The following JPH1 variants were observed in gnomAD, a reference collection of about 807,000 sequenced individuals.
JPH1 encodes junctophilin 1.
Under a neutral mutation model 53.6 loss-of-function variants are expected in JPH1, and 12 were observed. That is an observed-to-expected ratio of 0.22 (90% CI 0.14 to 0.36). The LOEUF (loss-of-function observed/expected upper bound fraction) is 0.36, where lower values mean the gene tolerates loss of function less well. Among genes scored for constraint, JPH1 ranks in the 10% least tolerant of loss-of-function variants. The pLI, the probability that JPH1 is intolerant of heterozygous loss-of-function variation, is 1.00. For missense variants in JPH1, 808 were observed against 905.5 expected (o/e 0.89, Z 1.38); for synonymous variants, 375 against 363.8 (o/e 1.03, Z -0.35).
intron 3 of JPH1, among the ~76,000 whole-genome samples, chr8:74,253,231 A>G (rs1806120065): frequency 6.6e-6 from 1 of 152,182 alleles, no homozygotes; most frequent in Non-Finnish European, 1.5e-5. Context: ...ACTCAGGATT[A>G]AGAAACTCAC....
intron 2 of JPH1, among the ~76,000 whole-genome samples, chr8:74,272,209 G>T (rs1203171038): frequency 6.6e-6 from 1 of 152,056 alleles, no homozygotes; most frequent in East Asian, 1.9e-4. Flanking sequence ...TGATCAACTA[G>T]ATTTTCTACC....
intron 3 of JPH1, among the ~76,000 whole-genome samples, chr8:74,251,035 G>A (rs1806035056): frequency 6.6e-6 from 1 of 152,198 alleles, no homozygotes; most frequent in African/African-American, 2.4e-5. Context: ...AATCAAATAC[G>A]TAATGGCATC....
intron 3 of JPH1, among the ~76,000 whole-genome samples, chr8:74,258,861 T>A (rs1005778919): frequency 1.3e-5 from 2 of 152,168 alleles, no homozygotes; most frequent in African/African-American, 4.8e-5. Flanking sequence ...GAATAACCCA[T>A]CTCCAGGGCT....
At position 74,235,720 on chromosome 8, in the gene JPH1, CA is replaced by C. The variant is rs1461935156; in HGVS notation, c.*1330del. ...GGTAAATTATAAAACAGCAAAAATC[CA>C]GAAATGTCAGAATGACAAAAGACTG... is the stretch of plus-strand genomic sequence containing the variant. On this transcript the variant is annotated 3_prime_UTR_variant, in exon 6 of 6. Coordinates refer to ENST00000342232, the MANE Select transcript of JPH1 (RefSeq NM_020647.4). 2 of 152,390 alleles carry C rather than the reference CA, an allele frequency of 1.3e-5. No individual in the cohort carries two copies. Among genetic ancestry groups the C allele is most frequent in the Non-Finnish European group, 2.9e-5 (2 of 68,010 alleles). 9.4% of individuals were successfully genotyped at this position (152,390 alleles called of 1,614,324 possible).
chr8:74,242,287 C>T (rs1393016775), intron 4 of JPH1, among the ~76,000 whole-genome samples: 6 of 152,116 alleles, frequency 3.9e-5, no homozygotes, highest in Non-Finnish European at 8.8e-5. Context: ...ATCATAATAG[C>T]CAAGGTTTTT....
intron 2 of JPH1, among the ~76,000 whole-genome samples, chr8:74,311,699 T>A (rs973360681): frequency 9.2e-6 from 1 of 108,310 alleles, no homozygotes; most frequent in African/African-American, 3.6e-5. Context: ...GTCCCCAGAG[T>A]GTGATGTTCC....
At chr8:74,245,221 A>G (rs1805824376) in intron 3 of JPH1, 46 bp from the exon 4 acceptor site, 1 of 1,488,474 alleles carries the variant, frequency 6.7e-7, no homozygotes. Context: ...GGAGGTATAT[A>G]TACATATATT....
At position 74,250,157 on chromosome 8, in the gene JPH1, C is replaced by T. The variant is rs191670498; in HGVS notation, c.1259-4982G>A. 5.1e-3 allele frequency among the ~76,000 whole-genome samples: 736 copies of T among 145,162 alleles called. 2 individuals are homozygous for T. Among genetic ancestry groups the T allele is most frequent in the Non-Finnish European group, 8.0e-3 (537 of 66,740 alleles). Reference sequence around the variant, plus strand: ...AAGGATTTTTTTTTTTTTTTTGAGACGGAGTCTTGCTCTGTCACCCAGGCT... The same window carrying T: ...AAGGATTTTTTTTTTTTTTTTGAGATGGAGTCTTGCTCTGTCACCCAGGCT... On this transcript the variant is annotated intron_variant, in intron 3 of 5. Coordinates refer to ENST00000342232, the MANE Select transcript of JPH1 (RefSeq NM_020647.4).
chr8:74,305,943 T>C (rs1469361881), intron 2 of JPH1, among the ~76,000 whole-genome samples: 3 of 152,206 alleles, frequency 2.0e-5, no homozygotes, highest in Non-Finnish European at 2.9e-5. Context: ...CACATGTCCA[T>C]CTCAATGCCT....
intron 2 of JPH1, among the ~76,000 whole-genome samples, chr8:74,270,284 T>C (rs1178254713): frequency 1.3e-5 from 2 of 152,226 alleles, no homozygotes; most frequent in African/African-American, 2.4e-5. Flanking sequence ...AAATTAGTAA[T>C]TAACGCCTCC....
chr8:74,291,170 A>G (rs1316370063), intron 2 of JPH1, among the ~76,000 whole-genome samples: 2 of 152,172 alleles, frequency 1.3e-5, no homozygotes, highest in Non-Finnish European at 2.9e-5. Context: ...ACAGCAAAAG[A>G]AACTACCATC....
At chr8:74,265,882 A>G (rs1276684216) in intron 2 of JPH1, among the ~76,000 whole-genome samples, 1 of 152,138 alleles carries the variant, frequency 6.6e-6, no homozygotes, top group African/African-American at 2.4e-5. Flanking sequence ...ATCATTAAGC[A>G]TAAAGTAATG....
intron 2 of JPH1, among the ~76,000 whole-genome samples, chr8:74,293,296 T>C (rs1270878238): frequency 6.6e-6 from 1 of 152,136 alleles, no homozygotes; most frequent in East Asian, 1.9e-4. Context: ...GGAAAACAAA[T>C]TCACCAAAAA....
Position 74,315,314 on chromosome 8 carries a change from T to C in JPH1, c.686A>G (p.Lys229Arg). Reference sequence around the variant, plus strand: ...GCTGCGCTTGCTCGAGATGGAAGACTTGGATTCGGACTTGCGAAGTTTCAT... The same window carrying C: ...GCTGCGCTTGCTCGAGATGGAAGACCTGGATTCGGACTTGCGAAGTTTCAT... Reference protein sequence around the residue: ...GSMKLRKSESKSSISSKRSSV... With the variant: ...GSMKLRKSESRSSISSKRSSV... The change falls in exon 2 of 6, where the codon AAG (lysine) becomes AGG (arginine). Residue 229 changes from lysine to arginine, a missense_variant. By Grantham distance (26) the Lys-to-Arg change is conservative. Transcript: ENST00000342232. The surrounding 1 kb of genome is among the most constrained non-coding windows in gnomAD (Gnocchi z 6.3). 10 of 1,613,914 alleles carry C rather than the reference T, an allele frequency of 6.2e-6. No individual in the cohort carries two copies. Among genetic ancestry groups the C allele is most frequent in the Non-Finnish European group, 8.5e-6 (10 of 1,180,030 alleles).
At chr8:74,260,108 G>A (rs537387512) in intron 2 of JPH1, among the ~76,000 whole-genome samples, 26 of 152,310 alleles carry the variant, frequency 1.7e-4, no homozygotes, top group African/African-American at 6.0e-4. Context: ...ACCAGCAGGA[G>A]CAAACCACAA....
intron 2 of JPH1, among the ~76,000 whole-genome samples, chr8:74,288,539 T>C (rs571772979): frequency 6.6e-6 from 1 of 150,862 alleles, no homozygotes; most frequent in East Asian, 2.0e-4. Context: ...AGTAAGAAAA[T>C]GGGGTTGGGC....
chr8:74,237,203 C>G lies in JPH1; in HGVS notation c.*15+5G>C. The G allele has an allele frequency of 6.5e-7, 1 of 1,548,770 alleles. No homozygotes were observed. The highest frequency in any genetic ancestry group is 1.4e-5 in the African/African-American group (1 of 73,152). On this transcript the variant is annotated splice_donor_5th_base_variant and intron_variant, in intron 5 of 5. Transcript: ENST00000342232. ...ATTTTAGATAGAAATTAAGGCGATT[C>G]TTACCTTTCCTAATTCCAATCAAGT...
rs544986269 is a variant in JPH1 at position 74,300,337 on chromosome 8, G to A, written c.1139+14524C>T. Among the ~76,000 whole-genome samples, 21 of 152,188 alleles carry A rather than the reference G, an allele frequency of 1.4e-4. 1 individual carries two copies. Among genetic ancestry groups the A allele is most frequent in the Admixed American group, 1.2e-3 (19 of 15,276 alleles). ...AATACGGGACTGACTGAATTGCTTC[G>A]TGTTATTTTTTTAACTACCTCCCAT... On this transcript the variant is annotated intron_variant, in intron 2 of 5. Transcript: ENST00000342232.
intron 3 of JPH1, among the ~76,000 whole-genome samples, chr8:74,250,904 C>G (rs1040615062): frequency 6.6e-6 from 1 of 152,270 alleles, no homozygotes; most frequent in African/African-American, 2.4e-5. Flanking sequence ...TCACATAGGT[C>G]AGGGGACTCA....
Sources: gnomAD v4.1 joint callset for allele counts (sites outside exome capture counted in the v4.1 genomes callset) on GRCh38, gnomAD v4.1.1 for gene constraint, Gnocchi (gnomAD v3.1) non-coding constraint, MANE v1.5 for transcripts, NCBI Gene and HGNC (gene_info 2026-07-23, HGNC 2026-07-21) for gene names.